ATAD2: variants seen among roughly 807,000 people sequenced by gnomAD.
ATAD2 encodes ATPase family AAA domain-containing protein 2.
ATAD2 carries 62 observed loss-of-function variants against 168.9 expected under a neutral mutation model. The observed-to-expected ratio is 0.37, with a 90% CI of 0.30 to 0.45. The LOEUF is 0.45. ATAD2 is among the 20% of genes least tolerant of loss of function. The pLI is 1.00. For synonymous variants in ATAD2, 613 were observed against 571.6 expected (o/e 1.07, Z -1.03); for missense variants, 1,419 against 1,667.8 (o/e 0.85, Z 2.60).
chr8:123,334,399 G>T lies in ATAD2; in HGVS notation c.3212-77C>A. The T allele has an allele frequency of 1.6e-6, 2 of 1,271,848 alleles. 1 individual carries two copies. Among genetic ancestry groups the T allele is most frequent in the South Asian group, 3.9e-5 (2 of 50,814 alleles). The allele number at this position is 1,271,848 out of a possible 1,614,324, so 78.8% of individuals were successfully genotyped here. A position where few individuals can be genotyped will look rare whatever the true frequency, so the allele number is the denominator to read the frequency against. On this transcript the variant is annotated intron_variant, in intron 22 of 27. Transcript: ENST00000287394. The stretch of plus-strand genomic sequence containing the variant: ...ACCAAAAATAAACTCAGCATATTAG[G>T]CTAAGATAGTAGCTCTTACAATTCC...
upstream of ATAD2, chr8:123,396,478 G>A (rs1463192033): frequency 2.7e-6 from 3 of 1,130,076 alleles, no homozygotes; most frequent in African/African-American, 3.2e-5. Flanking sequence ...AGCGGCCGCA[G>A]CGCGCGCGCC....
At chr8:123,367,852 A>C (rs990882353) in intron 8 of ATAD2, among the ~76,000 whole-genome samples, 1 of 152,192 alleles carries the variant, frequency 6.6e-6, no homozygotes, top group African/African-American at 2.4e-5. Flanking sequence ...ATTTTTCCTG[A>C]AAGAAATTAA....
chr8:123,328,104 G>A, intron 25 of ATAD2, 86 bp downstream of exon 25: 1 of 1,124,994 alleles, frequency 8.9e-7, no homozygotes, highest in East Asian at 3.0e-5. Context: ...CAAGCAAAAA[G>A]CAATAAACTA....
At chr8:123,380,480 T>G in intron 2 of ATAD2, 49 bp downstream of exon 2, 1 of 1,586,884 alleles carries the variant, frequency 6.3e-7, no homozygotes, top group African/African-American at 1.3e-5. Flanking sequence ...AAATCCTAAA[T>G]TACTGCTTTA....
intron 2 of ATAD2, among the ~76,000 whole-genome samples, chr8:123,375,094 T>C (rs754392874): frequency 5.9e-5 from 9 of 152,200 alleles, no homozygotes; most frequent in African/African-American, 1.4e-4. Context: ...AGGAAAAGTA[T>C]ATGAAAAAGG....
At chr8:123,352,363 T>TA in intron 13 of ATAD2, 1 of 154,062 alleles carries the variant, frequency 6.5e-6, no homozygotes, top group Non-Finnish European at 1.4e-5. Context: ...CAGTACCACC[T>TA]ATGGAAGAAG....
upstream of ATAD2, among the ~76,000 whole-genome samples, chr8:123,397,083 C>T (rs768700237): frequency 1.6e-4 from 25 of 151,774 alleles, no homozygotes; most frequent in Non-Finnish European, 3.5e-4. Flanking sequence ...TTGATCATCC[C>T]ACATAGAAGA....
rs752086268 is a variant in ATAD2, at chr8:123,369,873, T to C, written c.879A>G (p.Arg293=). ...EEDGEEENQK[R]YYLRQRKATV... is the part of the protein sequence containing the mutation. ...TAGCTTTTCTCTGTCTAAGATAATA[T>C]CGCTTCTGATTCTCTTCTTCTCCAT... Residue 293 remains arginine, a synonymous_variant, in exon 7 of 28, where the codon CGA becomes CGG. Transcript: ENST00000287394. 6.2e-7 allele frequency: 1 copy of C among 1,611,904 alleles called. No individual in the cohort carries two copies. The highest frequency in any genetic ancestry group is 1.7e-5 in the Admixed American group (1 of 59,940).
At chr8:123,333,787 A>C in intron 24 of ATAD2, 91 bp downstream of exon 24, 1 of 1,357,320 alleles carries the variant, frequency 7.4e-7, no homozygotes. Context: ...CACTGCATTA[A>C]CACAAATAAA....
At chr8:123,411,271 T>C (rs1462039809) in intron 1 of ATAD2, among the ~76,000 whole-genome samples, 1 of 152,120 alleles carries the variant, frequency 6.6e-6, no homozygotes, top group Non-Finnish European at 1.5e-5. Flanking sequence ...CGCGGACCCC[T>C]GGACTGGCCT....
At chr8:123,341,814 G>A (rs1016938986) in intron 19 of ATAD2, among the ~76,000 whole-genome samples, 3 of 152,190 alleles carry the variant, frequency 2.0e-5, no homozygotes, top group Non-Finnish European at 4.4e-5. Flanking sequence ...TACTGAAAGC[G>A]ACCTGGAAGG....
intron 2 of ATAD2, among the ~76,000 whole-genome samples, chr8:123,376,496 A>T (rs150312519): frequency 6.6e-6 from 1 of 152,050 alleles, no homozygotes; most frequent in Non-Finnish European, 1.5e-5. Flanking sequence ...TGGGAGGCAG[A>T]GGTTGCAGTG....
At chr8:123,350,723 CTTTT>C (rs1028799025) in intron 13 of ATAD2, among the ~76,000 whole-genome samples, 4 of 150,392 alleles carry the variant, frequency 2.7e-5, no homozygotes, top group Non-Finnish European at 5.9e-5. Flanking sequence ...GATCTAGAAG[CTTTT>C]TTTTTCTTTT....
chr8:123,339,388 T>G lies in ATAD2; in HGVS notation c.2777A>C (p.Lys926Thr). 6.2e-7 allele frequency: 1 copy of G among 1,603,132 alleles called. No individual in the cohort carries two copies. The highest frequency in any genetic ancestry group is 8.5e-7 in the Non-Finnish European group (1 of 1,174,060). The change falls in exon 20 of 28, where the codon AAA (lysine) becomes ACA (threonine). Residue 926 changes from lysine to threonine, a missense_variant. By Grantham distance (78) the Lys-to-Thr change is moderately conservative. Coordinates refer to ENST00000287394, the MANE Select transcript of ATAD2 (RefSeq NM_014109.4). The part of the protein sequence containing the change: ...GEIFNVQLPD[K>T]EERTKFFEDL... ...TTCAAAAAATTTTGTCCGTTCTTCT[T>G]TATCCGGTAACTGGACATTAAAAAT...
At chr8:123,389,969 T>TATATAG (rs1357044579) in intron 1 of ATAD2, among the ~76,000 whole-genome samples, 1 of 110,154 alleles carries the variant, frequency 9.1e-6, no homozygotes, top group African/African-American at 4.3e-5. Context: ...TTTATATATA[T>TATATAG]ATATATATAT....
chr8:123,378,055 C>T (rs540514661), intron 2 of ATAD2, among the ~76,000 whole-genome samples: 46 of 152,266 alleles, frequency 3.0e-4, no homozygotes, highest in Middle Eastern at 3.4e-3. Context: ...AAGAATAAAC[C>T]TTAAGACTTC....
rs1465697956 is a variant in ATAD2, at chr8:123,396,337, G to A, written c.21C>T (p.Ser7=). MVVLRS[S]LELHNHSAAS... ...CCGCGGAGTGGTTGTGCAGCTCCAA[G>A]CTGCTGCGGAGAACCACCATCTTCT... Residue 7 remains serine, a synonymous_variant, in exon 1 of 28, where the codon AGC becomes AGT. Coordinates refer to ENST00000287394, the MANE Select transcript of ATAD2 (RefSeq NM_014109.4). 1.9e-6 allele frequency: 3 copies of A among 1,599,268 alleles called. No individual in the cohort carries two copies. The highest frequency in any genetic ancestry group is 2.3e-5 in the East Asian group (1 of 43,646).
At chr8:123,403,986 T>G (rs1813038935) in intron 1 of ATAD2, among the ~76,000 whole-genome samples, 1 of 152,172 alleles carries the variant, frequency 6.6e-6, no homozygotes, top group Non-Finnish European at 1.5e-5. Flanking sequence ...AAAGGCAACA[T>G]GCTTTACAGT....
intron 25 of ATAD2, 108 bp downstream of exon 25, chr8:123,328,082 C>T: frequency 3.4e-6 from 3 of 871,836 alleles, no homozygotes; most frequent in Non-Finnish European, 4.7e-6. Flanking sequence ...CTAACATCTG[C>T]TCTCTGAAAG....
Sources: gnomAD v4.1 joint callset for allele counts (sites outside exome capture counted in the v4.1 genomes callset) on GRCh38, gnomAD v4.1.1 for gene constraint, MANE v1.5 for transcripts, NCBI Gene and HGNC (gene_info 2026-07-23, HGNC 2026-07-21) for gene names.